Variants in THSD7B observed in about 807,000 individuals in gnomAD.
The protein encoded by THSD7B is thrombospondin type 1 domain containing 7B.
THSD7B carries 138 observed loss-of-function variants against 213.6 expected under a neutral mutation model. The ratio of observed to expected loss-of-function variants is 0.65; its 90% CI spans 0.56 to 0.74. The LOEUF (loss-of-function observed/expected upper bound fraction) is 0.74, where lower values mean the gene tolerates loss of function less well. Among genes scored for constraint, THSD7B ranks in the 30% least tolerant of loss-of-function variants. The pLI is 0.00. For missense variants in THSD7B, 1,931 were observed against 1,991.5 expected, an observed-to-expected ratio of 0.97 and a Z score of 0.58; for synonymous variants, 742 against 687.0, an observed-to-expected ratio of 1.08 and a Z score of -1.25.
intron 7 of THSD7B, among the ~76,000 whole-genome samples, chr2:137,182,920 TTTCATCTATGTCAAG>T (rs1439902908): frequency 1.3e-5 from 2 of 152,304 alleles, no homozygotes; most frequent in East Asian, 3.9e-4. Flanking sequence ...TAGATGCTGA[TTTCATCTATGTCAAG>T]TTCTTAAAAC....
chr2:137,664,891 G>GA (rs143842588), intron 26 of THSD7B, among the ~76,000 whole-genome samples: 3,836 of 152,220 alleles, frequency 0.025, 137 homozygotes, highest in African/African-American at 0.086. Flanking sequence ...GGAAAACACA[G>GA]AAAAACTCAG....
intron 7 of THSD7B, among the ~76,000 whole-genome samples, chr2:137,214,629 G>A (rs1681195426): frequency 6.8e-6 from 1 of 146,386 alleles, no homozygotes; most frequent in Non-Finnish European, 1.5e-5. Context: ...TCCCCTCCCT[G>A]TGTCCATGTG....
intron 14 of THSD7B, among the ~76,000 whole-genome samples, chr2:137,443,774 A>C (rs1463442866): frequency 6.6e-6 from 1 of 152,120 alleles, no homozygotes; most frequent in East Asian, 1.9e-4. Context: ...ATTTTAATTA[A>C]GGAAACTGGC....
intron 15 of THSD7B, among the ~76,000 whole-genome samples, chr2:137,525,378 C>T (rs1291033062): frequency 6.6e-6 from 1 of 152,138 alleles, no homozygotes; most frequent in East Asian, 1.9e-4. Flanking sequence ...AGCTGCAAAC[C>T]TCTCTTTATT....
At chr2:137,325,766 T>G (rs567855107) in intron 12 of THSD7B, among the ~76,000 whole-genome samples, 1 of 152,372 alleles carries the variant, frequency 6.6e-6, no homozygotes, top group South Asian at 2.1e-4. Flanking sequence ...GCAAGTAATT[T>G]AAAATCCTGC....
At chr2:136,993,629 A>G in intron 2 of THSD7B, among the ~76,000 whole-genome samples, 1 of 152,264 alleles carries the variant, frequency 6.6e-6, no homozygotes, top group Middle Eastern at 3.2e-3. Flanking sequence ...GGTTTAAATG[A>G]GAAGGTAATT....
chr2:137,045,961 AC>A (rs1210610081), intron 2 of THSD7B, among the ~76,000 whole-genome samples: 1 of 152,152 alleles, frequency 6.6e-6, no homozygotes, highest in Non-Finnish European at 1.5e-5. Context: ...ACAGGTTTCT[AC>A]CTACAATCAT....
intron 14 of THSD7B, among the ~76,000 whole-genome samples, chr2:137,417,297 A>T (rs1210452148): frequency 1.3e-5 from 2 of 152,140 alleles, no homozygotes; most frequent in African/African-American, 4.8e-5. Flanking sequence ...TTCTCTTACA[A>T]CTCTATATGA....
Position 136,878,751 on chromosome 2 carries a change from G to T in THSD7B, c.-35-3393G>T, listed in dbSNP as rs527733538. ...GTCTGTTCATAGACTTCGCCCACTT[G>T]TTAATGGGGTTGTTTGTTTTTTTCT... On this transcript the variant is annotated intron_variant, in intron 1 of 27. Transcript: ENST00000409968. Among the ~76,000 whole-genome samples, 9 of 152,142 alleles carry T rather than the reference G, an allele frequency of 5.9e-5. No homozygotes were observed. In the East Asian group the frequency reaches 1.2e-3, roughly 20 times the overall value.
chr2:137,051,106 A>G (rs1198980656), intron 2 of THSD7B, among the ~76,000 whole-genome samples: 1 of 152,176 alleles, frequency 6.6e-6, no homozygotes, highest in Admixed American at 6.5e-5. Context: ...GCTGCTATAG[A>G]TCTAGTGAGC....
At chr2:137,470,842 T>C (rs1173999791) in intron 15 of THSD7B, among the ~76,000 whole-genome samples, 4 of 152,034 alleles carry the variant, frequency 2.6e-5, no homozygotes, top group Non-Finnish European at 5.9e-5. Context: ...TTAGACAGAG[T>C]ATACCAGTAT....
At position 137,451,496 on chromosome 2, in the gene THSD7B, C is replaced by A. The variant is rs1687651474; in HGVS notation, c.3138+473C>A. Among the ~76,000 whole-genome samples, 4 of 152,100 alleles carry A rather than the reference C, an allele frequency of 2.6e-5. No individual in the cohort carries two copies. In the South Asian group the frequency reaches 8.3e-4, roughly 32 times the overall value. On this transcript the variant is annotated intron_variant, in intron 15 of 27. Coordinates refer to ENST00000409968, the MANE Select transcript of THSD7B (RefSeq NM_001316349.2). ...ACACTTTATCCTAATGTTTTTCATT[C>A]TCAATCTTGCCAAATCTTCCACAAC...
intron 14 of THSD7B, among the ~76,000 whole-genome samples, chr2:137,431,697 C>G (rs917684631): frequency 1.3e-5 from 2 of 151,868 alleles, no homozygotes; most frequent in African/African-American, 2.4e-5. Flanking sequence ...CACCCCGGAC[C>G]CCATAGATAG....
chr2:137,575,742 A>ATATATATATATATATATATATATTTTTT (rs1235744133), intron 17 of THSD7B, among the ~76,000 whole-genome samples: 12 of 147,412 alleles, frequency 8.1e-5, no homozygotes, highest in South Asian at 6.8e-4. Flanking sequence ...ATATATATAT[A>ATATATATATATATATATATATATTTTTT]TTTTTACTTT....
At chr2:137,513,898 A>G (rs964792831) in intron 15 of THSD7B, among the ~76,000 whole-genome samples, 3 of 152,218 alleles carry the variant, frequency 2.0e-5, no homozygotes, top group African/African-American at 7.2e-5. Flanking sequence ...CCAGACACAC[A>G]TACTTTGTGT....
intron 1 of THSD7B, among the ~76,000 whole-genome samples, chr2:136,854,697 A>G (rs1308737747): frequency 6.6e-6 from 1 of 151,456 alleles, no homozygotes; most frequent in African/African-American, 2.4e-5. Flanking sequence ...ATCACTTTCA[A>G]TGAGAAGTAG....
At chr2:137,032,870 T>C (rs1280388796) in intron 2 of THSD7B, among the ~76,000 whole-genome samples, 3 of 152,248 alleles carry the variant, frequency 2.0e-5, no homozygotes, top group Admixed American at 2.0e-4. Context: ...ATTAAGATTA[T>C]GTGCCATCCT....
intron 2 of THSD7B, among the ~76,000 whole-genome samples, chr2:136,894,961 A>G (rs543699836): frequency 6.6e-6 from 1 of 152,316 alleles, no homozygotes; most frequent in South Asian, 2.1e-4. Context: ...ATCCAAAGCA[A>G]TTACCAGGCA....
chr2:137,224,348 A>G (rs1385623292), intron 7 of THSD7B, among the ~76,000 whole-genome samples: 1 of 152,196 alleles, frequency 6.6e-6, no homozygotes, highest in Non-Finnish European at 1.5e-5. Flanking sequence ...GAGCATCATG[A>G]TTAAGAAACA....
Sources: allele counts gnomAD v4.1 joint callset (sites outside exome capture counted in the v4.1 genomes callset), GRCh38; gene constraint gnomAD v4.1.1; transcripts MANE v1.5; gene names NCBI Gene and HGNC (gene_info 2026-07-23, HGNC 2026-07-21).